Variants in UBASH3B observed in about 807,000 individuals in gnomAD.
UBASH3B encodes the protein ubiquitin associated and SH3 domain containing B.
In UBASH3B, 37 loss-of-function variants were observed where a neutral mutation model predicts 83.4. The ratio of observed to expected loss-of-function variants is 0.44; its 90% CI spans 0.34 to 0.58. The LOEUF is 0.58. Ranked by LOEUF, UBASH3B falls within the 20% of genes least tolerant of loss-of-function variation. UBASH3B has a pLI of 0.01. For missense variants in UBASH3B, 657 were observed against 827.2 expected, an observed-to-expected ratio of 0.79 and a Z score of 2.52; for synonymous variants, 304 against 318.3, an observed-to-expected ratio of 0.96 and a Z score of 0.48.
intron 1 of UBASH3B, among the ~76,000 whole-genome samples, chr11:122,686,420 C>T (rs1008370937): frequency 6.8e-6 from 1 of 147,890 alleles, no homozygotes; most frequent in African/African-American, 2.5e-5. Context: ...GGTGTGGATC[C>T]GGAAGCAAGC....
At chr11:122,714,812 G>C (rs1300441136) in intron 1 of UBASH3B, among the ~76,000 whole-genome samples, 7 of 152,160 alleles carry the variant, frequency 4.6e-5, no homozygotes, top group Non-Finnish European at 1.5e-5. Flanking sequence ...GTCTGAGCCC[G>C]GGATGCACTC....
chr11:122,704,435 G>A (rs139408628), intron 1 of UBASH3B, among the ~76,000 whole-genome samples: 17 of 152,212 alleles, frequency 1.1e-4, no homozygotes, highest in African/African-American at 3.9e-4. Flanking sequence ...GAAGATAAGC[G>A]AATTCCCCGA....
chr11:122,775,668 G>T (rs1042400465), intron 1 of UBASH3B: 1 of 152,278 alleles, frequency 6.6e-6, no homozygotes, highest in Non-Finnish European at 1.5e-5. Context: ...CTACTTGGGA[G>T]GCTTAGGCGG....
Position 122,656,141 on chromosome 11 carries a change from G to C in UBASH3B, c.92G>C (p.Arg31Pro). 5 of 1,589,770 alleles carry C rather than the reference G, an allele frequency of 3.1e-6. No homozygotes were observed. The highest frequency in any genetic ancestry group is 4.3e-6 in the Non-Finnish European group (5 of 1,169,274). The change falls in exon 1 of 14, where the codon CGC (arginine) becomes CCC (proline). Residue 31 changes from arginine (R) to proline (P), a missense_variant. Arg to Pro is a moderately radical substitution (Grantham distance 103). Coordinates refer to ENST00000284273, the MANE Select transcript of UBASH3B (RefSeq NM_032873.5). ...KVTPRRNRQQ[R>P]PGTIKHGSAL... Reference sequence around the variant, plus strand: ...ACCCCCCGGAGGAACCGCCAACAGCGCCCCGGCACCATCAAGCATGGATCG... The same window carrying C: ...ACCCCCCGGAGGAACCGCCAACAGCCCCCCGGCACCATCAAGCATGGATCG...
At chr11:122,669,755 C>T (rs1863567526) in intron 1 of UBASH3B, among the ~76,000 whole-genome samples, 1 of 152,208 alleles carries the variant, frequency 6.6e-6, no homozygotes, top group Non-Finnish European at 1.5e-5. Flanking sequence ...TTCATAACAA[C>T]CCTATGAGAT....
intron 1 of UBASH3B, among the ~76,000 whole-genome samples, chr11:122,687,312 C>T (rs528372599): frequency 1.2e-4 from 19 of 152,290 alleles, no homozygotes; most frequent in South Asian, 6.2e-4. Context: ...TATAAGGTCA[C>T]GGTATTTCCA....
chr11:122,691,830 G>A lies in UBASH3B; in HGVS notation c.161+35620G>A, dbSNP rs549563734. Among the ~76,000 whole-genome samples, 11 of 152,196 alleles carry A rather than the reference G, an allele frequency of 7.2e-5. No homozygotes were observed. In the East Asian group the frequency reaches 1.5e-3, roughly 21 times the overall value. ...AAAGGCTGTGATGGCCATTTGTGAC[G>A]GGGTTCTGTGTTTTGGGCAGGGTTT... On this transcript the variant is annotated intron_variant, in intron 1 of 13. Transcript: ENST00000284273.
intron 1 of UBASH3B, among the ~76,000 whole-genome samples, chr11:122,746,239 C>T (rs2135964302): frequency 6.6e-6 from 1 of 152,254 alleles, no homozygotes; most frequent in South Asian, 2.1e-4. Context: ...TTATAAATAA[C>T]CTGAAAAAGG....
At chr11:122,798,748 C>T (rs1437145504) in intron 9 of UBASH3B, among the ~76,000 whole-genome samples, 194 bp from the exon 10 acceptor site, 5 of 150,864 alleles carry the variant, frequency 3.3e-5, no homozygotes, top group Admixed American at 6.6e-5. Context: ...AGGGCTCTGT[C>T]GCTTGCTCTC....
intron 1 of UBASH3B, among the ~76,000 whole-genome samples, chr11:122,732,627 G>A (rs1163574820): frequency 6.6e-6 from 1 of 152,102 alleles, no homozygotes; most frequent in African/African-American, 2.4e-5. Flanking sequence ...GTAGCCCCAC[G>A]TATTTCCTGT....
chr11:122,738,683 G>C (rs1360486704), intron 1 of UBASH3B, among the ~76,000 whole-genome samples: 1 of 152,182 alleles, frequency 6.6e-6, no homozygotes, highest in African/African-American at 2.4e-5. Context: ...GAAGTCAGGA[G>C]TTCGAGACCA....
intron 1 of UBASH3B, among the ~76,000 whole-genome samples, chr11:122,683,366 G>A (rs1485658671): frequency 6.6e-6 from 1 of 151,894 alleles, no homozygotes. Context: ...TGTAATCCCA[G>A]CAGTGTGGGA....
Position 122,759,317 on chromosome 11 carries a change from A to G in UBASH3B, c.162-16902A>G, listed in dbSNP as rs1330767299. ...GCTGCTTCTCCTTGGCCAGCAGGAA[A>G]GCGAGTCATTTAGAGCAGTGGTCCC... On this transcript the variant is annotated intron_variant, in intron 1 of 13. Transcript: ENST00000284273. This position sits in a 1 kb window ranked among gnomAD's most constrained non-coding sequence, Gnocchi z 4.1. Among the ~76,000 whole-genome samples, 6 of 152,206 alleles carry G rather than the reference A, an allele frequency of 3.9e-5. No individual in the cohort carries two copies. The highest frequency in any genetic ancestry group is 1.4e-4 in the African/African-American group (6 of 41,444).
chr11:122,747,773 A>C (rs922240971), intron 1 of UBASH3B, among the ~76,000 whole-genome samples: 1 of 152,218 alleles, frequency 6.6e-6, no homozygotes, highest in African/African-American at 2.4e-5. Flanking sequence ...CCAAAGTTTA[A>C]GTAAGCTTCA....
intron 1 of UBASH3B, among the ~76,000 whole-genome samples, chr11:122,679,929 C>G (rs1863716876): frequency 6.6e-6 from 1 of 152,130 alleles, no homozygotes; most frequent in Non-Finnish European, 1.5e-5. Context: ...CTCCCAAGTT[C>G]AAGTGATTCT....
intron 11 of UBASH3B, among the ~76,000 whole-genome samples, chr11:122,805,366 C>T (rs910169593): frequency 5.9e-5 from 9 of 152,078 alleles, no homozygotes; most frequent in Admixed American, 1.3e-4. Flanking sequence ...CCTGTCTCTA[C>T]TAAAAACAAT....
chr11:122,743,230 CTT>C (rs1491339873), intron 1 of UBASH3B, among the ~76,000 whole-genome samples: 1 of 152,120 alleles, frequency 6.6e-6, no homozygotes, highest in Admixed American at 6.6e-5. Flanking sequence ...CTCTCTCTCT[CTT>C]TGAGGCAGGG....
At chr11:122,705,122 A>C (rs1351260612) in intron 1 of UBASH3B, among the ~76,000 whole-genome samples, 1 of 152,182 alleles carries the variant, frequency 6.6e-6, no homozygotes, top group Non-Finnish European at 1.5e-5. Context: ...AGCCGGACTC[A>C]TGAGTCCCAG....
intron 1 of UBASH3B, among the ~76,000 whole-genome samples, chr11:122,752,916 G>A (rs954408571): frequency 9.2e-5 from 14 of 151,894 alleles, no homozygotes; most frequent in African/African-American, 1.2e-4. Flanking sequence ...TCATTTTACC[G>A]ACTGAAGAGA....
Sources: gnomAD v4.1 joint callset for allele counts (sites outside exome capture counted in the v4.1 genomes callset) on GRCh38, gnomAD v4.1.1 for gene constraint, Gnocchi (gnomAD v3.1) non-coding constraint, MANE v1.5 for transcripts, NCBI Gene and HGNC (gene_info 2026-07-23, HGNC 2026-07-21) for gene names.